The following PABPC4L variants were observed in gnomAD, a reference collection of about 807,000 sequenced individuals.
PABPC4L encodes poly(A) binding protein cytoplasmic 4 like, also known as polyadenylate-binding protein 4-like.
For missense variants in PABPC4L, 452 were observed against 451.4 expected (o/e 1.00, Z -0.01); for synonymous variants, 169 against 164.1 (o/e 1.03, Z -0.23).
At chr4:134,109,702 C>A in the PABPC4L span, among the ~76,000 whole-genome samples, 1 of 151,744 alleles carries the variant, frequency 6.6e-6, no homozygotes, top group African/African-American at 2.4e-5. Context: ...CAAGGAGAAT[C>A]TTGATATAAA....
chr4:134,040,722 A>C, the PABPC4L span, among the ~76,000 whole-genome samples: 1 of 152,200 alleles, frequency 6.6e-6, no homozygotes, highest in Non-Finnish European at 1.5e-5. Flanking sequence ...CAAAATTGAC[A>C]AATGGGATCT....
the PABPC4L span, among the ~76,000 whole-genome samples, chr4:133,971,256 G>A: frequency 6.6e-6 from 1 of 151,398 alleles, no homozygotes; most frequent in Non-Finnish European, 1.5e-5. Flanking sequence ...AGACTACAGG[G>A]GCCCGCCACC....
At chr4:134,124,127 T>C in the PABPC4L span, among the ~76,000 whole-genome samples, 3 of 152,008 alleles carry the variant, frequency 2.0e-5, no homozygotes, top group African/African-American at 7.2e-5. Context: ...GGGAAGAGTA[T>C]GGTGAGGTTA....
chr4:134,174,966 A>C, the PABPC4L span, among the ~76,000 whole-genome samples: 1 of 152,130 alleles, frequency 6.6e-6, no homozygotes, highest in Admixed American at 6.5e-5. Context: ...GTATGGTTTC[A>C]TTGTAAGAAT....
chr4:134,010,488 C>G, the PABPC4L span: 1 of 152,190 alleles, frequency 6.6e-6, no homozygotes, highest in South Asian at 2.1e-4. Context: ...CTGTCAAGAA[C>G]AGCCAAAATA....
the PABPC4L span, among the ~76,000 whole-genome samples, chr4:134,048,994 G>A: frequency 1.3e-5 from 2 of 151,726 alleles, no homozygotes; most frequent in Non-Finnish European, 2.9e-5. Context: ...CAAAATTTGG[G>A]GCTTCTGGGT....
chr4:134,014,696 G>T, the PABPC4L span, among the ~76,000 whole-genome samples: 2 of 151,864 alleles, frequency 1.3e-5, no homozygotes, highest in African/African-American at 4.8e-5. Flanking sequence ...CACGGATGCC[G>T]AGCTTTTGGT....
the PABPC4L span, among the ~76,000 whole-genome samples, chr4:134,184,553 A>G: frequency 6.6e-6 from 1 of 151,938 alleles, no homozygotes; most frequent in African/African-American, 2.4e-5. Flanking sequence ...AGATTCCTCC[A>G]TATCTTTTCA....
chr4:134,114,183 C>G, the PABPC4L span, among the ~76,000 whole-genome samples: 1 of 151,604 alleles, frequency 6.6e-6, no homozygotes, highest in Non-Finnish European at 1.5e-5. Flanking sequence ...GAGCAGACCT[C>G]CACAAGCACA....
At chr4:134,025,846 T>C in the PABPC4L span, among the ~76,000 whole-genome samples, 1 of 152,128 alleles carries the variant, frequency 6.6e-6, no homozygotes, top group African/African-American at 2.4e-5. Flanking sequence ...ATATTTTTAG[T>C]AATTTATTTT....
chr4:134,092,518 T>C, the PABPC4L span, among the ~76,000 whole-genome samples: 1 of 151,950 alleles, frequency 6.6e-6, no homozygotes, highest in Non-Finnish European at 1.5e-5. Context: ...ACCAAGAGGG[T>C]AGGGTATATA....
At chr4:134,132,174 G>T in the PABPC4L span, among the ~76,000 whole-genome samples, 2 of 151,960 alleles carry the variant, frequency 1.3e-5, no homozygotes, top group African/African-American at 2.4e-5. Context: ...TTATGACCAA[G>T]AACCCAAAAG....
the PABPC4L span, among the ~76,000 whole-genome samples, chr4:134,005,932 A>G: frequency 6.6e-6 from 1 of 151,848 alleles, no homozygotes; most frequent in Non-Finnish European, 1.5e-5. Flanking sequence ...ATAAAAACAT[A>G]GTGAGTTGAA....
chr4:133,961,423 C>T, the PABPC4L span, among the ~76,000 whole-genome samples: 106 of 152,278 alleles, frequency 7.0e-4, no homozygotes, highest in Middle Eastern at 3.4e-3. Flanking sequence ...CCTTGAAACA[C>T]GGGCCTTGCA....
chr4:133,976,005 G>T, the PABPC4L span, among the ~76,000 whole-genome samples: 2 of 152,034 alleles, frequency 1.3e-5, no homozygotes, highest in Non-Finnish European at 2.9e-5. Flanking sequence ...AGGATGTGCA[G>T]GTTTGTTACA....
chr4:134,111,523 C>G, the PABPC4L span, among the ~76,000 whole-genome samples: 2 of 151,880 alleles, frequency 1.3e-5, no homozygotes, highest in Admixed American at 1.3e-4. Flanking sequence ...ATATAGACTT[C>G]TATTTGTTCT....
the PABPC4L span, among the ~76,000 whole-genome samples, chr4:134,165,197 G>T: frequency 6.6e-6 from 1 of 152,122 alleles, no homozygotes; most frequent in Admixed American, 6.5e-5. Flanking sequence ...GAAAACCTAG[G>T]ATAAACTCTT....
chr4:133,973,378 A>G, the PABPC4L span, among the ~76,000 whole-genome samples: 2 of 152,062 alleles, frequency 1.3e-5, no homozygotes, highest in African/African-American at 4.8e-5. Flanking sequence ...TAGGAAAAAA[A>G]AAAAGCTGAT....
At chr4:134,145,802 C>T in the PABPC4L span, among the ~76,000 whole-genome samples, 7 of 151,944 alleles carry the variant, frequency 4.6e-5, 1 homozygote, top group Non-Finnish European at 8.8e-5. Context: ...CAATATAATT[C>T]TTGAGGCCTA....
Sources: allele counts gnomAD v4.1 joint callset (sites outside exome capture counted in the v4.1 genomes callset), GRCh38; gene constraint gnomAD v4.1.1; transcripts MANE v1.5; gene names NCBI Gene and HGNC (gene_info 2026-07-23, HGNC 2026-07-21).